Variants in ARHGAP19 observed in about 807,000 individuals in gnomAD.
The protein encoded by ARHGAP19 is rho GTPase-activating protein 19.
ARHGAP19 carries 48 observed loss-of-function variants against 60.9 expected under a neutral mutation model. That is an observed-to-expected ratio of 0.79 (90% CI 0.62 to 1.00). ARHGAP19 has a LOEUF of 1.00. ARHGAP19 is among the 50% of genes least tolerant of loss of function. The probability of loss-of-function intolerance (pLI) is 0.00; values close to 1 mark genes in which losing one functional copy is unlikely to be tolerated. For synonymous variants in ARHGAP19, 209 were observed against 215.5 expected (o/e 0.97, Z 0.27); for missense variants, 562 against 597.2 (o/e 0.94, Z 0.61).
chr10:97,222,255 C>T lies in ARHGAP19; in HGVS notation c.*3867G>A, dbSNP rs537784808. The T allele has an allele frequency of 6.6e-6, 1 of 152,236 alleles. No homozygotes were observed. The highest frequency in any genetic ancestry group is 2.4e-5 in the African/African-American group (1 of 41,470). 9.4% of individuals were successfully genotyped at this position (152,236 alleles called of 1,614,324 possible). On this transcript the variant is annotated 3_prime_UTR_variant, in exon 12 of 12. Coordinates refer to ENST00000358531, the MANE Select transcript of ARHGAP19 (RefSeq NM_032900.6). The stretch of plus-strand genomic sequence containing the variant: ...GACAATGCATAGGATCGTTTCTTTA[C>T]AATTACATATACATAGTCAAATAAG...
chr10:97,246,739 G>A (rs1842568984), intron 6 of ARHGAP19, among the ~76,000 whole-genome samples: 1 of 152,130 alleles, frequency 6.6e-6, no homozygotes, highest in African/African-American at 2.4e-5. Context: ...ATCATTTAAT[G>A]TCTGTAATCT....
chr10:97,260,124 A>G (rs1303219623), intron 4 of ARHGAP19, among the ~76,000 whole-genome samples: 2 of 150,584 alleles, frequency 1.3e-5, no homozygotes, highest in African/African-American at 4.9e-5. Context: ...CGTGAGCCAC[A>G]ACACCCGGCC....
At position 97,244,369 on chromosome 10, in the gene ARHGAP19, G is replaced by A. The variant is rs114831360; in HGVS notation, c.994-210C>T. On this transcript the variant is annotated intron_variant, in intron 7 of 11. Coordinates refer to ENST00000358531, the MANE Select transcript of ARHGAP19 (RefSeq NM_032900.6). The stretch of plus-strand genomic sequence containing the variant: ...AGCCCACTCCCATGACCTGCCCAGA[G>A]AACCTAAGTGCATTTGGAATACTGC... 2.8e-3 allele frequency among the ~76,000 whole-genome samples: 421 copies of A among 152,126 alleles called. 2 individuals carry two copies. The highest frequency in any genetic ancestry group is 8.9e-3 in the African/African-American group (370 of 41,494).
At position 97,259,387 on chromosome 10, in the gene ARHGAP19, C is replaced by G. The variant is rs3740522; in HGVS notation, c.840+15G>C. 4.4e-6 allele frequency: 7 copies of G among 1,599,020 alleles called. No individual in the cohort carries two copies. The highest frequency in any genetic ancestry group is 6.0e-6 in the Non-Finnish European group (7 of 1,166,414). On this transcript the variant is annotated intron_variant, in intron 5 of 11. Coordinates refer to ENST00000358531, the MANE Select transcript of ARHGAP19 (RefSeq NM_032900.6). ...AGAAAACCAAGCAATCTTTACTCTTCCCGTCAACACTCACATTTTTTGGCC... is the reference window on the plus strand; with the variant it reads ...AGAAAACCAAGCAATCTTTACTCTTGCCGTCAACACTCACATTTTTTGGCC...
chr10:97,237,918 G>T lies in ARHGAP19; in HGVS notation c.1186-2603C>A, dbSNP rs138037734. ...AAACAAAACAACAATAATGTTACTG[G>T]TTTATGTATTTACCATACTATACTT... On this transcript the variant is annotated intron_variant, in intron 8 of 11. Coordinates refer to ENST00000358531, the MANE Select transcript of ARHGAP19 (RefSeq NM_032900.6). Among the ~76,000 whole-genome samples the T allele has an allele frequency of 2.4e-3, 367 of 151,764 alleles. 3 individuals carry two copies. The highest frequency in any genetic ancestry group is 8.2e-3 in the African/African-American group (339 of 41,432).
Position 97,224,545 on chromosome 10 carries a change from G to C in ARHGAP19, c.*1577C>G, listed in dbSNP as rs1308038970. The C allele has an allele frequency of 1.3e-5, 2 of 152,232 alleles. No individual in the cohort carries two copies. Among genetic ancestry groups the C allele is most frequent in the African/African-American group, 4.8e-5 (2 of 41,462 alleles). The allele number at this position is 152,232 out of a possible 1,614,324, so 9.4% of individuals were successfully genotyped here. On this transcript the variant is annotated 3_prime_UTR_variant, in exon 12 of 12. Transcript: ENST00000358531. Reference sequence around the variant, plus strand: ...TTACAGCAGCAAAAGCAGCAGAAAGGCTGGCAGAGGGGGCTGCCAGCTGGG... The same window carrying C: ...TTACAGCAGCAAAAGCAGCAGAAAGCCTGGCAGAGGGGGCTGCCAGCTGGG...
chr10:97,228,261 C>A (rs1310791965), intron 11 of ARHGAP19, among the ~76,000 whole-genome samples: 1 of 152,088 alleles, frequency 6.6e-6, no homozygotes, highest in Non-Finnish European at 1.5e-5. Context: ...TGCTCATATC[C>A]CAGTGATAAA....
At chr10:97,234,383 C>T (rs932183218) in intron 9 of ARHGAP19, among the ~76,000 whole-genome samples, 4 of 146,064 alleles carry the variant, frequency 2.7e-5, no homozygotes, top group African/African-American at 1.0e-4. Context: ...AACAAACCTG[C>T]ACATCCTGCA....
chr10:97,274,355 C>A (rs567990388), intron 1 of ARHGAP19, among the ~76,000 whole-genome samples: 1 of 151,852 alleles, frequency 6.6e-6, no homozygotes, highest in Admixed American at 6.6e-5. Context: ...ATCCCAGCTA[C>A]GTGGGAGGCT....
intron 6 of ARHGAP19, among the ~76,000 whole-genome samples, chr10:97,252,391 G>C (rs894880904): frequency 2.6e-5 from 4 of 151,614 alleles, no homozygotes; most frequent in African/African-American, 9.7e-5. Flanking sequence ...GGGAGGCTGA[G>C]GTGGGCGGAT....
At chr10:97,281,217 T>C (rs1049449011) in intron 1 of ARHGAP19, among the ~76,000 whole-genome samples, 1 of 51,034 alleles carries the variant, frequency 2.0e-5, no homozygotes, top group African/African-American at 6.7e-5. Context: ...ACTCTGTCAC[T>C]ACAAAAAAAA....
At position 97,229,858 on chromosome 10, in the gene ARHGAP19, T is replaced by C. The variant is rs1850971700; in HGVS notation, c.1301A>G (p.Asn434Ser). The change falls in exon 10 of 12, where the codon AAT becomes AGT. Residue 434 changes from asparagine to serine, a missense_variant. By Grantham distance (46) the Asn-to-Ser change is conservative. Transcript: ENST00000358531. ...SGLIKRKVLG[N>S]QMMSEKKKKN... ...CTTTTTCTTTTCTGACATCATCTGATTTCCCAGGACCTTCCGCTGATTTAA... is the reference window on the plus strand; with the variant it reads ...CTTTTTCTTTTCTGACATCATCTGACTTCCCAGGACCTTCCGCTGATTTAA... The C allele has an allele frequency of 1.2e-6, 2 of 1,610,730 alleles. No homozygotes were observed. Among genetic ancestry groups the C allele is most frequent in the East Asian group, 4.5e-5 (2 of 44,826 alleles).
chr10:97,246,974 C>T (rs979737336), intron 6 of ARHGAP19, among the ~76,000 whole-genome samples: 14 of 152,042 alleles, frequency 9.2e-5, no homozygotes, highest in African/African-American at 1.9e-4. Context: ...CCCATCTCTA[C>T]TAAAAATACA....
chr10:97,228,869 A>G (rs1354539442), intron 11 of ARHGAP19, among the ~76,000 whole-genome samples: 1 of 152,224 alleles, frequency 6.6e-6, no homozygotes, highest in African/African-American at 2.4e-5. Flanking sequence ...CTTCGCAAGT[A>G]TTCTTAAGGT....
At chr10:97,269,006 G>A (rs1842931750) in intron 1 of ARHGAP19, among the ~76,000 whole-genome samples, 1 of 152,096 alleles carries the variant, frequency 6.6e-6, no homozygotes, top group South Asian at 2.1e-4. Flanking sequence ...AGCTAGAAAG[G>A]ACAAGTTATC....
At chr10:97,282,771 G>A (rs974721292) in intron 1 of ARHGAP19, among the ~76,000 whole-genome samples, 3 of 151,034 alleles carry the variant, frequency 2.0e-5, no homozygotes, top group Admixed American at 6.6e-5. Context: ...CTTGTTACTC[G>A]AATCCCCAGT....
chr10:97,284,279 T>C (rs900109561), intron 1 of ARHGAP19, among the ~76,000 whole-genome samples: 3 of 152,000 alleles, frequency 2.0e-5, no homozygotes, highest in African/African-American at 7.3e-5. Context: ...TGCGACACCA[T>C]GCCCAGCTAA....
At chr10:97,241,366 G>A (rs1267864638) in intron 8 of ARHGAP19, among the ~76,000 whole-genome samples, 1 of 151,698 alleles carries the variant, frequency 6.6e-6, no homozygotes, top group African/African-American at 2.4e-5. Context: ...ACTCCAGCCT[G>A]GGCAACAGAG....
intron 1 of ARHGAP19, among the ~76,000 whole-genome samples, chr10:97,274,642 T>C (rs1843001682): frequency 6.6e-6 from 1 of 152,148 alleles, no homozygotes; most frequent in African/African-American, 2.4e-5. Flanking sequence ...AATTGACGTT[T>C]CATGACAAAT....
Sources: gnomAD v4.1 joint callset for allele counts (sites outside exome capture counted in the v4.1 genomes callset) on GRCh38, gnomAD v4.1.1 for gene constraint, MANE v1.5 for transcripts, NCBI Gene and HGNC (gene_info 2026-07-23, HGNC 2026-07-21) for gene names.